APC2: variants seen among roughly 807,000 people sequenced by gnomAD.
APC2 encodes the protein APC regulator of Wnt signaling pathway 2.
Under a neutral mutation model 72.5 loss-of-function variants are expected in APC2, and 41 were observed. The observed-to-expected ratio is 0.57, with a 90% confidence interval of 0.44 to 0.73. APC2 has a LOEUF of 0.73. Among genes scored for constraint, APC2 ranks in the 30% least tolerant of loss-of-function variants. The pLI, the probability that APC2 is intolerant of heterozygous loss-of-function variation, is 0.00. For missense variants in APC2, 3,729 were observed against 3,403.4 expected, an observed-to-expected ratio of 1.10 and a Z score of -2.38; for synonymous variants, 1,898 against 1,612.0, an observed-to-expected ratio of 1.18 and a Z score of -4.25.
At chr19:1,458,849 A>C (rs2083880294) in intron 10 of APC2, among the ~76,000 whole-genome samples, 1 of 151,674 alleles carries the variant, frequency 6.6e-6, no homozygotes, top group African/African-American at 2.4e-5. Flanking sequence ...ACACCTGACT[A>C]ATTTTTGTAT....
intron 12 of APC2, 53 bp downstream of exon 12, chr19:1,460,910 G>A: frequency 1.2e-6 from 2 of 1,602,520 alleles, no homozygotes; most frequent in African/African-American, 1.3e-5. Flanking sequence ...ATAGGCAGAG[G>A]CCCCTCCCCA....
At chr19:1,460,537 G>C (rs2083906430) in intron 11 of APC2, among the ~76,000 whole-genome samples, 1 of 152,226 alleles carries the variant, frequency 6.6e-6, no homozygotes, top group African/African-American at 2.4e-5. Flanking sequence ...CGCCCACCCT[G>C]TTGCTGCCTC....
In APC2 at chr19:1,469,608, C is replaced by A; in HGVS notation, c.6307C>A (p.Pro2103Thr). The change falls in exon 15 of 15, where the codon CCG becomes ACG. Residue 2103 changes from proline (P) to threonine (T), a missense_variant. Pro to Thr is a conservative substitution (Grantham distance 38, BLOSUM62 -1). Transcript: ENST00000590469. The part of the protein sequence containing the change: ...PETVKRYASL[P>T]HISVARRPDG... The stretch of plus-strand genomic sequence containing the variant: ...GACTGTCAAGCGCTACGCGTCGCTG[C>A]CGCACATCAGCGTGGCCCGCAGGCC... 7.9e-7 allele frequency: 1 copy of A among 1,260,626 alleles called. No homozygotes were observed. Among genetic ancestry groups the A allele is most frequent in the Non-Finnish European group, 1.0e-6 (1 of 994,090 alleles). The allele number at this position is 1,260,626 out of a possible 1,614,324, so 78.1% of individuals were successfully genotyped here.
At position 1,467,843 on chromosome 19, in the gene APC2, G is replaced by A. The variant is rs535719623; in HGVS notation, c.4542G>A (p.Ser1514=). ...TGTACTGCTTCTACGGCAACGACTC[G>A]GACGAGGAGCCCCCGGCGGCCGCGC... ...EAVYCFYGND[S]DEEPPAAAPT... is the part of the protein sequence containing the mutation. Residue 1514 remains serine (S), a synonymous_variant, in exon 15 of 15, where the codon TCG becomes TCA. Coordinates refer to ENST00000590469, the MANE Select transcript of APC2 (RefSeq NM_005883.3). 6 of 1,532,506 alleles carry A rather than the reference G, an allele frequency of 3.9e-6. No homozygotes were observed. The highest frequency in any genetic ancestry group is 4.8e-5 in the East Asian group (2 of 41,816). The allele number at this position is 1,532,506 out of a possible 1,614,324, so 94.9% of individuals were successfully genotyped here.
At chr19:1,463,707 G>T (rs1185811830) in intron 14 of APC2, among the ~76,000 whole-genome samples, 2 of 151,628 alleles carry the variant, frequency 1.3e-5, no homozygotes, top group African/African-American at 4.9e-5. Context: ...CTGTGATCAC[G>T]CTACTGCACT....
upstream of APC2, among the ~76,000 whole-genome samples, chr19:1,447,114 G>T (rs987292340): frequency 8.5e-5 from 13 of 152,216 alleles, no homozygotes; most frequent in Non-Finnish European, 1.0e-4. Context: ...GGCGCGGCCT[G>T]GACCGGCCTA....
upstream of APC2, among the ~76,000 whole-genome samples, chr19:1,446,674 T>C (rs1178015677): frequency 6.6e-6 from 1 of 151,144 alleles, no homozygotes; most frequent in Non-Finnish European, 1.5e-5. The surrounding 1 kb of genome is among the most constrained non-coding windows in gnomAD (Gnocchi z 6.1). Flanking sequence ...CTGCGCCAGC[T>C]GGGGCGGCGG....
intron 13 of APC2, 39 bp downstream of exon 13, chr19:1,461,192 A>G (rs1474004364): frequency 6.5e-7 from 1 of 1,543,822 alleles, no homozygotes; most frequent in Non-Finnish European, 8.9e-7. Context: ...TTCTTCAGTC[A>G]CTGGAAGGAG....
intron 6 of APC2, 136 bp from the exon 7 acceptor site, chr19:1,455,940 T>TCATCCCAGGAAGAGGC (rs1301103312): frequency 1.1e-4 from 32 of 292,414 alleles, no homozygotes; most frequent in Admixed American, 7.3e-4. Flanking sequence ...AAGGCAGAGG[T>TCATCCCAGGAAGAGGC]AGGGTCAGGG....
chr19:1,461,780 A>G (rs1302597827), intron 13 of APC2, 183 bp from the exon 14 acceptor site: 1 of 582,312 alleles, frequency 1.7e-6, no homozygotes, highest in East Asian at 2.9e-5. Flanking sequence ...TGAACTGGGG[A>G]GTCGGAGCCT....
At chr19:1,457,345 C>T in intron 9 of APC2, 102 bp downstream of exon 9, 1 of 1,422,212 alleles carries the variant, frequency 7.0e-7, no homozygotes, top group South Asian at 1.5e-5. Flanking sequence ...TGCCTGCCTT[C>T]TGGCGTTGGA....
Position 1,466,410 on chromosome 19 carries a change from A to G in APC2, c.3109A>G (p.Ser1037Gly), listed in dbSNP as rs1293154949. The change falls in exon 15 of 15, where the codon AGC becomes GGC. Residue 1037 changes from serine to glycine, a missense_variant. Physicochemically the swap from Ser to Gly is moderately conservative, Grantham distance 56. Coordinates refer to ENST00000590469, the MANE Select transcript of APC2 (RefSeq NM_005883.3). ...GGCCTGGCTGCCGGCAGACCACCTG[A>G]GCAAGGTTCCCGAGAAGCTGGCGGC... ...KQAWLPADHL[S>G]KVPEKLAAAP... 6.3e-7 allele frequency: 1 copy of G among 1,596,628 alleles called. No homozygotes were observed. The highest frequency in any genetic ancestry group is 8.5e-7 in the Non-Finnish European group (1 of 1,178,182).
chr19:1,446,401 G>T, upstream of APC2: 1 of 979,948 alleles, frequency 1.0e-6, no homozygotes, highest in East Asian at 1.1e-4. This position sits in a 1 kb window ranked among gnomAD's most constrained non-coding sequence, Gnocchi z 6.1. Flanking sequence ...ACGGGGCGGG[G>T]TCCACACCGC....
At chr19:1,457,896 G>GGGGGGGGGGGC (rs2083862513) in intron 9 of APC2, 69 bp from the exon 10 acceptor site, 25 of 1,319,310 alleles carry the variant, frequency 1.9e-5, no homozygotes, top group Non-Finnish European at 2.5e-5. Flanking sequence ...GGCGGGTTGC[G>GGGGGGGGGGGC]GGACCTTCGG....
In APC2 at chr19:1,465,318, C is replaced by T; in HGVS notation, c.2017C>T (p.Arg673Cys). 1.9e-6 allele frequency: 3 copies of T among 1,595,608 alleles called. No individual in the cohort carries two copies. Among genetic ancestry groups the T allele is most frequent in the Non-Finnish European group, 2.6e-6 (3 of 1,176,460 alleles). The change falls in exon 15 of 15, where the codon CGT (arginine) becomes TGT (cysteine). Residue 673 changes from arginine (R) to cysteine (C), a missense_variant. Coordinates refer to ENST00000590469, the MANE Select transcript of APC2 (RefSeq NM_005883.3). ...GGACCTGGGCGCCGTGGGCATGCTG[C>T]GTAATCTGGTGCACTCCAAGCACAA... ...LWDLGAVGML[R>C]NLVHSKHKMI...
chr19:1,454,364 CTT>C (rs11305729), intron 4 of APC2, among the ~76,000 whole-genome samples: 4,076 of 142,868 alleles, frequency 0.029, 195 homozygotes, highest in African/African-American at 0.095. Flanking sequence ...ATTGCTTTCT[CTT>C]TTTTTTTTTT....
chr19:1,461,428 G>A, intron 13 of APC2: 1 of 504,578 alleles, frequency 2.0e-6, no homozygotes, highest in East Asian at 3.6e-5. Context: ...AAACAGCCAG[G>A]CGTGGCAGCG....
intron 10 of APC2, 157 bp downstream of exon 10, chr19:1,458,217 A>C (rs2145203142): frequency 1.5e-6 from 1 of 675,312 alleles, no homozygotes. Context: ...AGCACCTCTC[A>C]TGAGTGGACC....
At position 1,461,950 on chromosome 19, in the gene APC2, G is replaced by A. The variant is rs762763348; in HGVS notation, c.1639-13G>A. Reference sequence around the variant, plus strand: ...TCAGGCCCTGACCCGCCCCTCTCCCGCCCCTCGTCCAGGAGTCCACCCTGA... The same window carrying A: ...TCAGGCCCTGACCCGCCCCTCTCCCACCCCTCGTCCAGGAGTCCACCCTGA... On this transcript the variant is annotated splice_polypyrimidine_tract_variant and intron_variant, in intron 13 of 14. Coordinates refer to ENST00000590469, the MANE Select transcript of APC2 (RefSeq NM_005883.3). The A allele has an allele frequency of 3.8e-5, 42 of 1,092,206 alleles. No individual in the cohort carries two copies. The highest frequency in any genetic ancestry group is 1.8e-4 in the East Asian group (5 of 27,228). The allele number at this position is 1,092,206 out of a possible 1,614,324, so 67.7% of individuals were successfully genotyped here. A position where few individuals can be genotyped will look rare whatever the true frequency, so the allele number is the denominator to read the frequency against.
Sources: gnomAD v4.1 joint callset for allele counts (sites outside exome capture counted in the v4.1 genomes callset) on GRCh38, gnomAD v4.1.1 for gene constraint, Gnocchi (gnomAD v3.1) non-coding constraint, MANE v1.5 for transcripts, NCBI Gene and HGNC (gene_info 2026-07-23, HGNC 2026-07-21) for gene names.